DEPDC5: variants seen among roughly 807,000 people sequenced by gnomAD.
DEPDC5 encodes the protein DEP domain containing 5, GATOR1 subcomplex subunit.
In DEPDC5, 73 loss-of-function variants were observed where a neutral mutation model predicts 217.3. The observed-to-expected ratio is 0.34, with a 90% CI of 0.28 to 0.41. The LOEUF is 0.41. DEPDC5 is among the 10% of genes least tolerant of loss of function. The pLI, the probability that DEPDC5 is intolerant of heterozygous loss-of-function variation, is 1.00. For synonymous variants in DEPDC5, 733 were observed against 756.7 expected (o/e 0.97, Z 0.51); for missense variants, 1,675 against 2,070.1 (o/e 0.81, Z 3.70).
intron 37 of DEPDC5, among the ~76,000 whole-genome samples, chr22:31,878,869 T>C (rs2093079923): frequency 6.6e-6 from 1 of 151,412 alleles, no homozygotes; most frequent in South Asian, 2.1e-4. Context: ...TGAAATCCCG[T>C]CTACTAAAAA....
At chr22:31,902,436 A>ATATATG (rs61211131) in intron 41 of DEPDC5, among the ~76,000 whole-genome samples, 1 of 117,612 alleles carries the variant, frequency 8.5e-6, no homozygotes, top group African/African-American at 2.8e-5. Context: ...ATATATATAT[A>ATATATG]CTTATATATA....
At chr22:31,788,768 G>A (rs1829532164) in intron 10 of DEPDC5, among the ~76,000 whole-genome samples, 1 of 151,778 alleles carries the variant, frequency 6.6e-6, no homozygotes, top group South Asian at 2.1e-4. Context: ...TAGAGACGGG[G>A]TTTCACCATG....
rs1302754844 is a variant in DEPDC5, at chr22:31,847,117, T to C, written c.3155+150T>C. 1.8e-6 allele frequency: 2 copies of C among 1,093,974 alleles called. 1 individual carries two copies. Among genetic ancestry groups the C allele is most frequent in the Non-Finnish European group, 2.6e-6 (2 of 766,574 alleles). The allele number at this position is 1,093,974 out of a possible 1,614,324, so 67.8% of individuals were successfully genotyped here. On this transcript the variant is annotated intron_variant, in intron 31 of 42. Transcript: ENST00000651528. ...TTATGTGAAAAGGAAGGCTAATACCTGGTAGGTGTTGGATAACATGAAATA... is the reference window on the plus strand; with the variant it reads ...TTATGTGAAAAGGAAGGCTAATACCCGGTAGGTGTTGGATAACATGAAATA...
chr22:31,876,118 C>T, intron 36 of DEPDC5, 39 bp from the exon 37 acceptor site: 1 of 1,595,544 alleles, frequency 6.3e-7, no homozygotes, highest in Non-Finnish European at 8.6e-7. Flanking sequence ...TTCAAGATGC[C>T]TCTCTGCAGG....
At position 31,906,184 on chromosome 22, in the gene DEPDC5, G is replaced by T; in HGVS notation, c.4520-21G>T. The T allele has an allele frequency of 6.2e-7, 1 of 1,613,062 alleles. No homozygotes were observed. The highest frequency in any genetic ancestry group is 8.5e-7 in the Non-Finnish European group (1 of 1,179,260). On this transcript the variant is annotated intron_variant, in intron 42 of 42. Coordinates refer to ENST00000651528, the MANE Select transcript of DEPDC5 (RefSeq NM_001242896.3). This position sits in a 1 kb window ranked among gnomAD's most constrained non-coding sequence, Gnocchi z 5.1. The stretch of plus-strand genomic sequence containing the variant: ...GAGCCCTCCTGGTGGCTGCCACACA[G>T]GCGCTCCCCTTTCTCTTCAGGAACA...
At chr22:31,767,138 T>C (rs2082885532) in intron 6 of DEPDC5, among the ~76,000 whole-genome samples, 1 of 138,948 alleles carries the variant, frequency 7.2e-6, no homozygotes, top group South Asian at 2.3e-4. Flanking sequence ...TCCACATGTA[T>C]TCATTGTTTT....
At chr22:31,846,046 C>T (rs557599537) in intron 30 of DEPDC5, among the ~76,000 whole-genome samples, 3 of 151,932 alleles carry the variant, frequency 2.0e-5, no homozygotes, top group Non-Finnish European at 4.4e-5. Flanking sequence ...CCCCATTTTG[C>T]CCAGGTTGTT....
Position 31,815,160 on chromosome 22 carries a change from C to G in DEPDC5, c.1614C>G (p.Pro538=). ...CCAACATCCTGATGATCCCACACCCCCACCTGCACCAGTATGAAGTCAGCA... is the reference window on the plus strand; with the variant it reads ...CCAACATCCTGATGATCCCACACCCGCACCTGCACCAGTATGAAGTCAGCA... The part of the protein sequence containing the change: ...KSANILMIPH[P]HLHQYEVSSS... The change falls in exon 21 of 43, where the codon CCC becomes CCG. Residue 538 remains proline (P), a synonymous_variant. Coordinates refer to ENST00000651528, the MANE Select transcript of DEPDC5 (RefSeq NM_001242896.3). 6.2e-7 allele frequency: 1 copy of G among 1,614,172 alleles called. No individual in the cohort carries two copies. The highest frequency in any genetic ancestry group is 1.1e-5 in the South Asian group (1 of 91,076).
chr22:31,804,854 A>G lies in DEPDC5; in HGVS notation c.1156A>G (p.Ser386Gly). The G allele has an allele frequency of 6.2e-7, 1 of 1,613,930 alleles. No homozygotes were observed. ...TTTCTCCTTGCAGCTCCATAATCGG[A>G]GTGCTCCCCGTGATTCTCGTCTGGG... ...AVPLFKLHNR[S>G]APRDSRLGDD... Residue 386 changes from serine (S) to glycine (G), a missense_variant, in exon 17 of 43, where the codon AGT (serine) becomes GGT (glycine). This residue lies in a region of DEPDC5 where 628 missense variants were observed against 762.1 expected (regional missense o/e 0.82). Coordinates refer to ENST00000651528, the MANE Select transcript of DEPDC5 (RefSeq NM_001242896.3).
chr22:31,758,706 C>G, intron 3 of DEPDC5, 73 bp downstream of exon 3: 1 of 1,397,164 alleles, frequency 7.2e-7, no homozygotes, highest in Non-Finnish European at 1.0e-6. Flanking sequence ...AGATAGCTCT[C>G]TTTGCCTTTC....
At chr22:31,866,892 G>A (rs532890015) in intron 33 of DEPDC5, among the ~76,000 whole-genome samples, 218 of 152,322 alleles carry the variant, frequency 1.4e-3, no homozygotes, top group Non-Finnish European at 2.5e-3. Context: ...CATCACTGGC[G>A]ACGATAATCT....
chr22:31,876,950 C>G (rs1478431883), intron 37 of DEPDC5, among the ~76,000 whole-genome samples: 1 of 151,952 alleles, frequency 6.6e-6, no homozygotes, highest in Non-Finnish European at 1.5e-5. Flanking sequence ...GTCAAGAGCT[C>G]AAGACCAACA....
At chr22:31,860,608 G>A (rs778679295) in intron 32 of DEPDC5, among the ~76,000 whole-genome samples, 1 of 152,168 alleles carries the variant, frequency 6.6e-6, no homozygotes, top group African/African-American at 2.4e-5. Flanking sequence ...CACAAGGGTA[G>A]GGTAGGGAGG....
chr22:31,774,452 G>T (rs2083637917), intron 7 of DEPDC5, among the ~76,000 whole-genome samples: 1 of 151,950 alleles, frequency 6.6e-6, no homozygotes, highest in Admixed American at 6.6e-5. Context: ...GCCTGCCTCG[G>T]CCTCCCAAAG....
At chr22:31,762,001 C>T (rs911728576) in intron 4 of DEPDC5, among the ~76,000 whole-genome samples, 3 of 151,648 alleles carry the variant, frequency 2.0e-5, no homozygotes, top group Admixed American at 1.3e-4. Context: ...ACACAACCTG[C>T]CTGTTGCCCA....
intron 21 of DEPDC5, 173 bp downstream of exon 21, chr22:31,815,385 CTTTTTTTT>C (rs10712869): frequency 7.9e-5 from 46 of 579,528 alleles, no homozygotes; most frequent in African/African-American, 2.1e-4. Context: ...TATTATACTT[CTTTTTTTT>C]TTTTTTTTTT....
At position 31,843,622 on chromosome 22, in the gene DEPDC5, G is replaced by T. The variant is rs775174093; in HGVS notation, c.2634-23G>T. 10 of 1,578,800 alleles carry T rather than the reference G, an allele frequency of 6.3e-6. No individual in the cohort carries two copies. The South Asian group carries it at 8.0e-5, about 13-fold the overall frequency. On this transcript the variant is annotated intron_variant, in intron 28 of 42. Coordinates refer to ENST00000651528, the MANE Select transcript of DEPDC5 (RefSeq NM_001242896.3). ...TTTGTCTCTAACTCTTTTGAATTTG[G>T]GGACCTGCCCTTTATTTTGCAGGTA...
chr22:31,901,393 A>G (rs1157100370), intron 40 of DEPDC5, among the ~76,000 whole-genome samples: 1 of 152,184 alleles, frequency 6.6e-6, no homozygotes, highest in Non-Finnish European at 1.5e-5. Context: ...TTTACAGTTT[A>G]TCTTCTGTTT....
At chr22:31,824,990 A>C (rs990246659) in intron 24 of DEPDC5, among the ~76,000 whole-genome samples, 1 of 151,808 alleles carries the variant, frequency 6.6e-6, no homozygotes, top group Non-Finnish European at 1.5e-5. Flanking sequence ...AAAAAAAAAA[A>C]AAGGAAGAAA....
Sources: allele counts gnomAD v4.1 joint callset (sites outside exome capture counted in the v4.1 genomes callset), GRCh38; gene constraint gnomAD v4.1.1; regional missense constraint gnomAD v4.1.1; non-coding constraint Gnocchi (gnomAD v3.1); transcripts MANE v1.5; gene names NCBI Gene and HGNC (gene_info 2026-07-23, HGNC 2026-07-21).